The following ADD2 variants were observed in gnomAD, a reference collection of about 807,000 sequenced individuals.
ADD2 encodes the protein adducin 2.
ADD2 carries 23 observed loss-of-function variants against 83.0 expected under a neutral mutation model. The observed-to-expected ratio is 0.28, with a 90% CI of 0.20 to 0.39. ADD2 has a LOEUF of 0.39. Among genes scored for constraint, ADD2 ranks in the 10% least tolerant of loss-of-function variants. ADD2 has a pLI of 1.00. For missense variants in ADD2, 758 were observed against 944.9 expected, an observed-to-expected ratio of 0.80 and a Z score of 2.59; for synonymous variants, 375 against 375.4, an observed-to-expected ratio of 1.00 and a Z score of 0.01.
At chr2:70,767,817 G>A in intron 1 of ADD2, 69 bp downstream of exon 1, 6 of 1,528,242 alleles carry the variant, frequency 3.9e-6, no homozygotes, top group South Asian at 1.2e-5. Context: ...GCCGAGGGAT[G>A]CCAGGGTCTC....
At chr2:70,686,317 C>G (rs781841700) in intron 9 of ADD2, among the ~76,000 whole-genome samples, 1 of 152,164 alleles carries the variant, frequency 6.6e-6, no homozygotes, top group Non-Finnish European at 1.5e-5. Context: ...GGAGCTTGCC[C>G]GGGGTTATCT....
At chr2:70,719,375 G>A (rs1672621551) in intron 1 of ADD2, among the ~76,000 whole-genome samples, 3 of 152,330 alleles carry the variant, frequency 2.0e-5, no homozygotes, top group Middle Eastern at 3.4e-3. Flanking sequence ...CGGCTCTAGA[G>A]AGACGATTAC....
intron 4 of ADD2, among the ~76,000 whole-genome samples, chr2:70,701,438 T>C (rs2104365737): frequency 6.6e-6 from 1 of 152,266 alleles, no homozygotes; most frequent in South Asian, 2.1e-4. Context: ...GTAAAACAAC[T>C]TCCATTAAAG....
intron 4 of ADD2, among the ~76,000 whole-genome samples, chr2:70,699,387 AAT>A (rs1280700514): frequency 6.6e-6 from 1 of 152,182 alleles, no homozygotes; most frequent in Non-Finnish European, 1.5e-5. Flanking sequence ...CTAGAAAAAA[AAT>A]GTTTGGCGAC....
intron 1 of ADD2, among the ~76,000 whole-genome samples, chr2:70,736,023 C>T (rs1352074831): frequency 6.6e-6 from 1 of 152,032 alleles, no homozygotes; most frequent in Non-Finnish European, 1.5e-5. Context: ...CACTTTCCAT[C>T]GCAGAAGCCT....
At chr2:70,739,930 G>C (rs1189017545) in intron 1 of ADD2, among the ~76,000 whole-genome samples, 1 of 152,170 alleles carries the variant, frequency 6.6e-6, no homozygotes, top group Non-Finnish European at 1.5e-5. Flanking sequence ...ACTAGGCCTA[G>C]TACCTGCATG....
chr2:70,696,526 T>C, intron 4 of ADD2, 130 bp from the exon 5 acceptor site: 2 of 1,230,072 alleles, frequency 1.6e-6, no homozygotes, highest in Non-Finnish European at 2.3e-6. Flanking sequence ...AATTAAACAT[T>C]CTTTGACCCT....
intron 4 of ADD2, among the ~76,000 whole-genome samples, chr2:70,697,906 C>T (rs1464337488): frequency 2.6e-5 from 4 of 152,228 alleles, no homozygotes; most frequent in African/African-American, 9.6e-5. Context: ...AGAGGTGATA[C>T]ACCTCCAGGG....
chr2:70,755,456 T>C (rs1467492325), intron 1 of ADD2, among the ~76,000 whole-genome samples: 2 of 152,232 alleles, frequency 1.3e-5, no homozygotes, highest in African/African-American at 4.8e-5. Context: ...TGGGTATCAA[T>C]GCTTGAACCT....
rs1574226114 is a variant in ADD2, at chr2:70,676,367, C to T, written c.1593+429G>A. The T allele has an allele frequency of 5.5e-6, 6 of 1,089,420 alleles. No individual in the cohort carries two copies. In the East Asian group the frequency reaches 3.6e-4, roughly 65 times the overall value. 67.5% of individuals were successfully genotyped at this position (1,089,420 alleles called of 1,614,324 possible). ...CCCTTCTCTATGGGTACATGATCAT[C>T]TTTCCAGAGCTCTGGTTGGATGATG... is the stretch of plus-strand genomic sequence containing the variant. On this transcript the variant is annotated intron_variant, in intron 13 of 15. Coordinates refer to ENST00000264436, the MANE Select transcript of ADD2 (RefSeq NM_001617.4). The surrounding 1 kb of genome is among the most constrained non-coding windows in gnomAD (Gnocchi z 4.8).
intron 10 of ADD2, among the ~76,000 whole-genome samples, chr2:70,679,718 G>A (rs566999962): frequency 1.3e-5 from 2 of 151,704 alleles, no homozygotes; most frequent in African/African-American, 2.4e-5. Context: ...AGGAAAAAAC[G>A]GAATTTTATG....
At chr2:70,666,008 G>A (rs1243404211) in intron 15 of ADD2, among the ~76,000 whole-genome samples, 2 of 152,090 alleles carry the variant, frequency 1.3e-5, no homozygotes, top group African/African-American at 2.4e-5. Context: ...TAGAGATGGG[G>A]TTTCACCATG....
At chr2:70,672,804 T>C in intron 15 of ADD2, 74 bp downstream of exon 15, 4 of 1,491,110 alleles carry the variant, frequency 2.7e-6, no homozygotes, top group Non-Finnish European at 3.6e-6. Context: ...GCAACACGAG[T>C]GGAAGGCAGG....
At chr2:70,703,236 G>A (rs1240261821) in intron 4 of ADD2, among the ~76,000 whole-genome samples, 2 of 151,488 alleles carry the variant, frequency 1.3e-5, no homozygotes, top group Non-Finnish European at 2.9e-5. Flanking sequence ...GAAAGAGAAA[G>A]AGAGAGAGAA....
In ADD2 at chr2:70,657,037, T is replaced by C. The variant is rs1318959375; in HGVS notation, c.*6388A>G. On this transcript the variant is annotated 3_prime_UTR_variant, in exon 16 of 16. Transcript: ENST00000264436. ...TATATATATATAATATGTGTATATA[T>C]ATAAAATTGCAAAATAAAAGCCCAA... 2.0e-5 allele frequency: 3 copies of C among 151,162 alleles called. No individual in the cohort carries two copies. Among genetic ancestry groups the C allele is most frequent in the African/African-American group, 7.3e-5 (3 of 41,166 alleles). The allele number at this position is 151,162 out of a possible 1,614,324, so 9.4% of individuals were successfully genotyped here.
intron 15 of ADD2, among the ~76,000 whole-genome samples, chr2:70,667,763 C>T (rs543818407): frequency 6.6e-5 from 10 of 152,076 alleles, no homozygotes; most frequent in African/African-American, 1.9e-4. Context: ...GGATTACAGG[C>T]GCATGTCACC....
At position 70,723,578 on chromosome 2, in the gene ADD2, C is replaced by T. The variant is rs17654593; in HGVS notation, c.-153-10394G>A. Among the ~76,000 whole-genome samples, 738 of 152,276 alleles carry T rather than the reference C, an allele frequency of 4.8e-3. 3 individuals carry two copies. The highest frequency in any genetic ancestry group is 0.02 in the South Asian group (97 of 4,818). On this transcript the variant is annotated intron_variant, in intron 1 of 15. Coordinates refer to ENST00000264436, the MANE Select transcript of ADD2 (RefSeq NM_001617.4). ...GACATAGGTAGATTTTTAGCTGATA[C>T]GCACTTTAAATGGTGGGCTCCACTT...
chr2:70,673,646 G>A (rs1458005505), intron 14 of ADD2, among the ~76,000 whole-genome samples: 2 of 152,176 alleles, frequency 1.3e-5, no homozygotes, highest in African/African-American at 2.4e-5. Context: ...ACCCAGGCTG[G>A]AGTGCAGTGG....
intron 15 of ADD2, among the ~76,000 whole-genome samples, chr2:70,672,372 T>C (rs1669930246): frequency 6.6e-6 from 1 of 152,212 alleles, no homozygotes; most frequent in African/African-American, 2.4e-5. Context: ...GAGTTTTCCT[T>C]AACTCAGAAA....
Sources: allele counts gnomAD v4.1 joint callset (sites outside exome capture counted in the v4.1 genomes callset), GRCh38; gene constraint gnomAD v4.1.1; non-coding constraint Gnocchi (gnomAD v3.1); transcripts MANE v1.5; gene names NCBI Gene and HGNC (gene_info 2026-07-23, HGNC 2026-07-21).